The following ALOX5 variants were observed in gnomAD, a reference collection of about 807,000 sequenced individuals.
ALOX5 encodes the protein polyunsaturated fatty acid 5-lipoxygenase.
ALOX5 carries 64 observed loss-of-function variants against 87.9 expected under a neutral mutation model. That is an observed-to-expected ratio of 0.73 (90% CI 0.60 to 0.90). The LOEUF (loss-of-function observed/expected upper bound fraction) is 0.90. Among genes scored for constraint, ALOX5 ranks in the 40% least tolerant of loss-of-function variants. ALOX5 has a pLI of 0.00. For missense variants in ALOX5, 822 were observed against 907.5 expected (o/e 0.91, Z 1.21); for synonymous variants, 388 against 355.1 (o/e 1.09, Z -1.04).
At chr10:45,443,566 G>T in intron 11 of ALOX5, 29 bp downstream of exon 11, 3 of 1,602,368 alleles carry the variant, frequency 1.9e-6, no homozygotes, top group Non-Finnish European at 2.6e-6. Context: ...CTCCGGACCC[G>T]GCTCCCCCGC....
At chr10:45,388,370 C>G (rs1180200173) in intron 2 of ALOX5, among the ~76,000 whole-genome samples, 1 of 152,204 alleles carries the variant, frequency 6.6e-6, no homozygotes, top group Non-Finnish European at 1.5e-5. Context: ...AATTTGAGAT[C>G]TGAGAAGGGA....
chr10:45,443,827 A>G lies in ALOX5; in HGVS notation c.1673A>G (p.Gln558Arg), dbSNP rs1200919359. 6.2e-7 allele frequency: 1 copy of G among 1,603,266 alleles called. No homozygotes were observed. The highest frequency in any genetic ancestry group is 8.5e-7 in the Non-Finnish European group (1 of 1,175,576). Reference protein sequence around the residue: ...SAQHAAVNFGQYDWCSWIPNA... With the variant: ...SAQHAAVNFGRYDWCSWIPNA... ...CAGCACGCCGCGGTCAACTTCGGCC[A>G]GGTAGGCAGGGCCGGGCCCGCTGGG... The change falls in exon 12 of 14, where the codon CAG becomes CGG. Residue 558 changes from glutamine to arginine, a missense_variant and splice_region_variant. Gln to Arg is a conservative substitution (Grantham distance 43). Transcript: ENST00000374391.
intron 4 of ALOX5, 131 bp downstream of exon 4, chr10:45,412,444 G>T (rs749310232): frequency 1.1e-4 from 141 of 1,247,460 alleles, no homozygotes; most frequent in Non-Finnish European, 1.5e-4. Context: ...ACGCTTTGAT[G>T]ATATGTTGGC....
At chr10:45,420,217 A>C (rs1246756923) in intron 4 of ALOX5, among the ~76,000 whole-genome samples, 2 of 152,222 alleles carry the variant, frequency 1.3e-5, no homozygotes, top group Non-Finnish European at 2.9e-5. Context: ...ACTTTCATTA[A>C]ATTTTGTTAT....
At chr10:45,401,913 C>A (rs1220521521) in intron 3 of ALOX5, among the ~76,000 whole-genome samples, 1 of 151,822 alleles carries the variant, frequency 6.6e-6, no homozygotes, top group African/African-American at 2.4e-5. Flanking sequence ...GGTGAAACCC[C>A]GTCTCTACTA....
chr10:45,397,247 G>T (rs1840545573), intron 3 of ALOX5, among the ~76,000 whole-genome samples: 1 of 152,190 alleles, frequency 6.6e-6, no homozygotes, highest in Non-Finnish European at 1.5e-5. Flanking sequence ...GTGTGTGGTG[G>T]CATGCGCCTG....
At chr10:45,412,798 G>C (rs1841116896) in intron 4 of ALOX5, among the ~76,000 whole-genome samples, 1 of 152,200 alleles carries the variant, frequency 6.6e-6, no homozygotes, top group South Asian at 2.1e-4. Context: ...GGAATACGGA[G>C]GTTGACTACC....
intron 2 of ALOX5, among the ~76,000 whole-genome samples, chr10:45,383,172 C>T (rs1371396777): frequency 6.6e-6 from 1 of 152,236 alleles, no homozygotes; most frequent in East Asian, 1.9e-4. Context: ...TCTGAGGAGC[C>T]ATGGACAAGC....
chr10:45,415,447 A>T (rs1427255358), intron 4 of ALOX5, among the ~76,000 whole-genome samples: 2 of 151,950 alleles, frequency 1.3e-5, no homozygotes, highest in African/African-American at 2.4e-5. Context: ...GGGTGGGGAG[A>T]GGGGGGAGGG....
At chr10:45,442,192 G>A (rs1306406191) in intron 9 of ALOX5, among the ~76,000 whole-genome samples, 1 of 152,166 alleles carries the variant, frequency 6.6e-6, no homozygotes, top group Non-Finnish European at 1.5e-5. Flanking sequence ...CATGCACACT[G>A]GCTCCCTCTT....
In ALOX5 at chr10:45,412,166, A is replaced by G. The variant is rs1035920152; in HGVS notation, c.432-25A>G. 6 of 1,613,578 alleles carry G rather than the reference A, an allele frequency of 3.7e-6. No homozygotes were observed. The African/African-American group carries it at 5.3e-5, about 14-fold the overall frequency. On this transcript the variant is annotated intron_variant, in intron 3 of 13. Coordinates refer to ENST00000374391, the MANE Select transcript of ALOX5 (RefSeq NM_000698.5). Reference sequence around the variant, plus strand: ...AGACCAAAGGCTGGCATTTAACTCAATTTCTTCTCCTTTCTCATGCTCAGA... The same window carrying G: ...AGACCAAAGGCTGGCATTTAACTCAGTTTCTTCTCCTTTCTCATGCTCAGA...
intron 3 of ALOX5, among the ~76,000 whole-genome samples, chr10:45,400,162 A>G (rs931524769): frequency 1.3e-5 from 2 of 152,230 alleles, no homozygotes; most frequent in Non-Finnish European, 2.9e-5. Flanking sequence ...TTGAAACCAC[A>G]TGTCTATACA....
chr10:45,390,022 A>G (rs908528703), intron 2 of ALOX5, among the ~76,000 whole-genome samples: 21 of 152,222 alleles, frequency 1.4e-4, no homozygotes, highest in Non-Finnish European at 2.8e-4. Flanking sequence ...AATGGAAAAC[A>G]AAGGCAGGGG....
Position 45,425,174 on chromosome 10 carries a change from T to C in ALOX5, c.834+42T>C. On this transcript the variant is annotated intron_variant, in intron 6 of 13. Coordinates refer to ENST00000374391, the MANE Select transcript of ALOX5 (RefSeq NM_000698.5). This position sits in a 1 kb window ranked among gnomAD's most constrained non-coding sequence, Gnocchi z 4.4. Reference sequence around the variant, plus strand: ...TGGGGAAGTGGCCAAGGTCACAGTCTGTCAGGTGGAAGCCAGTTCCTCCTG... The same window carrying C: ...TGGGGAAGTGGCCAAGGTCACAGTCCGTCAGGTGGAAGCCAGTTCCTCCTG... 2 of 1,589,238 alleles carry C rather than the reference T, an allele frequency of 1.3e-6. No individual in the cohort carries two copies. Among genetic ancestry groups the C allele is most frequent in the Non-Finnish European group, 1.7e-6 (2 of 1,165,644 alleles).
In ALOX5 at chr10:45,377,482, CT is replaced by C. The variant is rs1030118546; in HGVS notation, c.150+3055del. 1.1e-4 allele frequency among the ~76,000 whole-genome samples: 17 copies of C among 152,212 alleles called. No individual in the cohort carries two copies. In the South Asian group the frequency reaches 2.5e-3, roughly 22 times the overall value. On this transcript the variant is annotated intron_variant, in intron 1 of 13. Transcript: ENST00000374391. The stretch of plus-strand genomic sequence containing the variant: ...TCTTCCAGCCACCTCTCAGAGGCCC[CT>C]TCTCTGCTCCCTCAATCTCCGGCTC...
intron 2 of ALOX5, among the ~76,000 whole-genome samples, chr10:45,390,016 G>C (rs1181448649): frequency 6.6e-6 from 1 of 152,080 alleles, no homozygotes; most frequent in African/African-American, 2.4e-5. Context: ...CAAGCAAATG[G>C]AAAACAAAGG....
chr10:45,419,231 G>A (rs897496040), intron 4 of ALOX5, among the ~76,000 whole-genome samples: 17 of 152,260 alleles, frequency 1.1e-4, no homozygotes, highest in African/African-American at 4.1e-4. Context: ...CAGAGGCAGG[G>A]AGGCCGGGCG....
intron 7 of ALOX5, 53 bp downstream of exon 7, chr10:45,428,817 G>A: frequency 6.2e-7 from 1 of 1,601,704 alleles, no homozygotes; most frequent in East Asian, 2.2e-5. Flanking sequence ...CTGCGATCCA[G>A]GGCTCCTGGG....
intron 4 of ALOX5, among the ~76,000 whole-genome samples, chr10:45,416,738 A>G (rs771567310): frequency 8.5e-5 from 13 of 152,068 alleles, no homozygotes; most frequent in Non-Finnish European, 1.8e-4. Context: ...AGGAGGAAGG[A>G]TGGAAGAAGA....
Sources: allele counts gnomAD v4.1 joint callset (sites outside exome capture counted in the v4.1 genomes callset), GRCh38; gene constraint gnomAD v4.1.1; non-coding constraint Gnocchi (gnomAD v3.1); transcripts MANE v1.5; gene names NCBI Gene and HGNC (gene_info 2026-07-23, HGNC 2026-07-21).